Variants in GRID2 observed in about 807,000 individuals in gnomAD.
GRID2 encodes glutamate receptor ionotropic, delta-2.
A neutral mutation model predicts 114.8 loss-of-function variants in GRID2; 33 were observed. That is an observed-to-expected ratio of 0.29 (90% CI 0.22 to 0.38). The LOEUF (loss-of-function observed/expected upper bound fraction) is 0.38, where lower values mean the gene tolerates loss of function less well. Among genes scored for constraint, GRID2 ranks in the 10% least tolerant of loss-of-function variants. The pLI is 1.00. For missense variants in GRID2, 1,184 were observed against 1,257.7 expected (o/e 0.94, Z 0.89); for synonymous variants, 505 against 449.9 (o/e 1.12, Z -1.55).
chr4:93,230,000 G>C lies in GRID2; in HGVS notation c.1125+5225G>C, dbSNP rs151283909. Among the ~76,000 whole-genome samples, 616 of 152,184 alleles carry C rather than the reference G, an allele frequency of 4.0e-3. 5 individuals are homozygous for C. Among genetic ancestry groups the C allele is most frequent in the African/African-American group, 0.014 (575 of 41,526 alleles). On this transcript the variant is annotated intron_variant, in intron 7 of 15. Transcript: ENST00000282020. Reference sequence around the variant, plus strand: ...GTATGATATTTTTGAAGGAATTATAGTTTTAAAAATATTGAGTCTTTCCAT... The same window carrying C: ...GTATGATATTTTTGAAGGAATTATACTTTTAAAAATATTGAGTCTTTCCAT...
chr4:93,163,384 A>ATACACATTATATATATATATATATG (rs1737911205), intron 4 of GRID2, among the ~76,000 whole-genome samples: 1 of 39,430 alleles, frequency 2.5e-5, no homozygotes, highest in African/African-American at 1.4e-4. Context: ...ATATATATAT[A>ATACACATTATATATATATATATATG]TATATATATA....
intron 14 of GRID2, among the ~76,000 whole-genome samples, chr4:93,762,705 G>T (rs143922514): frequency 6.6e-6 from 1 of 152,144 alleles, no homozygotes; most frequent in Non-Finnish European, 1.5e-5. Flanking sequence ...GGCACACCAG[G>T]CTCTTTAACA....
chr4:93,173,869 G>T (rs1020484543), intron 4 of GRID2, among the ~76,000 whole-genome samples: 2 of 152,112 alleles, frequency 1.3e-5, no homozygotes, highest in Admixed American at 6.6e-5. Flanking sequence ...GAGTTCAAGC[G>T]ATCTGCCTGC....
rs10593127 is a variant in GRID2, at chr4:92,713,476, C to CATATATATAT, written c.244+123223_244+123232dup. The stretch of plus-strand genomic sequence containing the variant: ...TTACATATATTTACATATACATATA[C>CATATATATAT]ATATATATATATATATATATATATA... On this transcript the variant is annotated intron_variant, in intron 2 of 15. Coordinates refer to ENST00000282020, the MANE Select transcript of GRID2 (RefSeq NM_001510.4). 2.5e-3 allele frequency among the ~76,000 whole-genome samples: 133 copies of CATATATATAT among 54,020 alleles called. 3 individuals carry two copies. The highest frequency in any genetic ancestry group is 2.9e-3 in the Non-Finnish European group (86 of 29,352). 35.4% of individuals were successfully genotyped at this position (54,020 alleles called of 152,430 possible). A position where few individuals can be genotyped will look rare whatever the true frequency, so the allele number is the denominator to read the frequency against.
rs144196879 is a variant in GRID2 at position 93,508,439 on chromosome 4, C to T, written c.1998-6777C>T. Among the ~76,000 whole-genome samples the T allele has an allele frequency of 1.6e-4, 25 of 152,192 alleles. 1 individual carries two copies. In the East Asian group the frequency reaches 4.3e-3, roughly 26 times the overall value. On this transcript the variant is annotated intron_variant, in intron 12 of 15. Coordinates refer to ENST00000282020, the MANE Select transcript of GRID2 (RefSeq NM_001510.4). ...CTCCATCTCCTTACCTCATGATCTGCCCGCCTTGGCCTCCCAAAGGGCTGG... is the reference window on the plus strand; with the variant it reads ...CTCCATCTCCTTACCTCATGATCTGTCCGCCTTGGCCTCCCAAAGGGCTGG...
chr4:93,080,152 G>A (rs1478404391), intron 2 of GRID2, among the ~76,000 whole-genome samples: 1 of 152,118 alleles, frequency 6.6e-6, no homozygotes. Context: ...GTCTGGGTAA[G>A]CTGAAATTGT....
intron 4 of GRID2, chr4:93,112,300 A>G (rs943731638): frequency 1.1e-4 from 16 of 152,138 alleles, no homozygotes; most frequent in African/African-American, 3.1e-4. Context: ...AGAAGTGGTA[A>G]TGATATGGTT....
At chr4:92,723,970 T>G (rs1045831099) in intron 2 of GRID2, among the ~76,000 whole-genome samples, 2 of 152,194 alleles carry the variant, frequency 1.3e-5, no homozygotes, top group South Asian at 2.1e-4. Flanking sequence ...GGACTTTTTC[T>G]TTTTTCCACT....
At chr4:92,822,401 C>A in intron 2 of GRID2, 1 of 585,888 alleles carries the variant, frequency 1.7e-6, no homozygotes, top group South Asian at 1.4e-5. Flanking sequence ...AGCCAGATTC[C>A]GTACCTTGAC....
At chr4:92,672,316 G>T (rs536668800) in intron 2 of GRID2, among the ~76,000 whole-genome samples, 1 of 152,090 alleles carries the variant, frequency 6.6e-6, no homozygotes, top group South Asian at 2.1e-4. Context: ...TTTAACATGT[G>T]TCTCTGACAG....
chr4:93,558,302 G>T (rs953458196), intron 13 of GRID2, among the ~76,000 whole-genome samples: 11 of 152,086 alleles, frequency 7.2e-5, no homozygotes, highest in African/African-American at 2.4e-4. Flanking sequence ...CCAGGAGATG[G>T]TTTTTTGAAA....
At chr4:93,688,272 GAGGCACTCATCTTCAGGTGTT>G (rs1318086636) in intron 14 of GRID2, among the ~76,000 whole-genome samples, 1 of 151,734 alleles carries the variant, frequency 6.6e-6, no homozygotes, top group African/African-American at 2.4e-5. Context: ...ATAGAAAGAT[GAGGCACTCATCTTCAGGTGTT>G]TACCACCTGT....
At chr4:93,189,029 A>G (rs1261450545) in intron 4 of GRID2, among the ~76,000 whole-genome samples, 1 of 152,148 alleles carries the variant, frequency 6.6e-6, no homozygotes, top group African/African-American at 2.4e-5. Context: ...AGAGCCCTCA[A>G]AATAACCCCA....
At chr4:93,690,276 C>T (rs889102745) in intron 14 of GRID2, among the ~76,000 whole-genome samples, 9 of 152,022 alleles carry the variant, frequency 5.9e-5, no homozygotes, top group Admixed American at 2.0e-4. Flanking sequence ...CTATAAAAAA[C>T]GCACAATAAG....
intron 8 of GRID2, among the ~76,000 whole-genome samples, chr4:93,259,734 A>G (rs1750042788): frequency 6.6e-6 from 1 of 151,816 alleles, no homozygotes; most frequent in South Asian, 2.1e-4. Context: ...TTTTCAATTC[A>G]TTTTATAAAG....
chr4:93,772,146 C>G lies in GRID2; in HGVS notation c.2672C>G (p.Pro891Arg). Residue 891 changes from proline to arginine, a missense_variant, in exon 16 of 16, where the codon CCC becomes CGC. Physicochemically the swap from Pro to Arg is moderately radical, Grantham distance 103. Around this residue, in one of 3 missense-constraint regions of GRID2, gnomAD observed 717 missense variants for 796.9 expected, o/e 0.90. Transcript: ENST00000282020. ...VNSLCTDDDS[P>R]HKQFSTSSID... ...AGCTTGTGCACAGATGACGACAGCC[C>G]CCATAAACAGTTTTCCACCTCGTCA... 6.2e-7 allele frequency: 1 copy of G among 1,612,840 alleles called. No individual in the cohort carries two copies. Among genetic ancestry groups the G allele is most frequent in the Non-Finnish European group, 8.5e-7 (1 of 1,178,906 alleles).
intron 1 of GRID2, among the ~76,000 whole-genome samples, chr4:92,558,477 C>T (rs945953090): frequency 6.6e-6 from 1 of 152,098 alleles, no homozygotes; most frequent in Non-Finnish European, 1.5e-5. Flanking sequence ...ATGCAAGAAG[C>T]TTTTAATCTA....
chr4:93,366,926 A>G (rs1762395557), intron 8 of GRID2, among the ~76,000 whole-genome samples: 1 of 151,108 alleles, frequency 6.6e-6, no homozygotes, highest in Non-Finnish European at 1.5e-5. Context: ...ATGGTTGATA[A>G]ATATATATAT....
At chr4:92,608,232 C>T (rs1442254991) in intron 2 of GRID2, among the ~76,000 whole-genome samples, 1 of 151,752 alleles carries the variant, frequency 6.6e-6, no homozygotes, top group Non-Finnish European at 1.5e-5. Flanking sequence ...CTTTCCCAAA[C>T]TAGTGGTGCA....
Sources: allele counts gnomAD v4.1 joint callset (sites outside exome capture counted in the v4.1 genomes callset), GRCh38; gene constraint gnomAD v4.1.1; regional missense constraint gnomAD v4.1.1; transcripts MANE v1.5; gene names NCBI Gene and HGNC (gene_info 2026-07-23, HGNC 2026-07-21).